Variants in MSR1 observed in about 807,000 individuals in gnomAD.
MSR1 encodes macrophage scavenger receptor types I and II.
A neutral mutation model predicts 47.2 loss-of-function variants in MSR1; 53 were observed. The observed-to-expected ratio is 1.12, with a 90% CI of 0.90 to 1.41. MSR1 has a LOEUF of 1.41. Ranked by LOEUF, MSR1 falls within the 40% of genes most tolerant of loss-of-function variation. MSR1 has a pLI of 0.00. For missense variants in MSR1, 786 were observed against 546.9 expected (o/e 1.44, Z -4.36); for synonymous variants, 239 against 185.6 (o/e 1.29, Z -2.34).
chr8:16,144,223 T>C (rs1355547648), intron 7 of MSR1, among the ~76,000 whole-genome samples: 3 of 152,054 alleles, frequency 2.0e-5, no homozygotes, highest in African/African-American at 7.2e-5. Flanking sequence ...TGCAGAAACA[T>C]TGCTAGATCT....
intron 1 of MSR1, among the ~76,000 whole-genome samples, chr8:16,192,214 A>T (rs775113048): frequency 4.0e-4 from 61 of 152,212 alleles, no homozygotes; most frequent in Admixed American, 7.2e-4. Context: ...ATGTTCCATG[A>T]AAAGTTATGA....
chr8:16,173,529 GACA>G (rs1053779898), intron 3 of MSR1, among the ~76,000 whole-genome samples: 5 of 152,178 alleles, frequency 3.3e-5, no homozygotes, highest in African/African-American at 7.2e-5. Flanking sequence ...CTTTTACTCA[GACA>G]ACAATAGTTT....
intron 1 of MSR1, among the ~76,000 whole-genome samples, chr8:16,188,011 A>T (rs1802052909): frequency 6.6e-6 from 1 of 152,172 alleles, no homozygotes; most frequent in Admixed American, 6.6e-5. Flanking sequence ...GTGCCTTTTA[A>T]TATCAGTTCC....
At chr8:16,159,639 T>C (rs995759119) in intron 5 of MSR1, among the ~76,000 whole-genome samples, 2 of 151,972 alleles carry the variant, frequency 1.3e-5, no homozygotes, top group Non-Finnish European at 2.9e-5. Context: ...TATGGCTAGG[T>C]GCTATAAGAG....
At chr8:16,155,195 G>A (rs1354897058) in intron 5 of MSR1, 51 bp from the exon 6 acceptor site, 1 of 1,389,168 alleles carries the variant, frequency 7.2e-7, no homozygotes, top group Non-Finnish European at 1.0e-6. Context: ...TAGGAAAAAT[G>A]GGTTAGTCAT....
At chr8:16,175,164 T>A in intron 3 of MSR1, 23 bp downstream of exon 3, 1 of 1,599,074 alleles carries the variant, frequency 6.3e-7, no homozygotes, top group Non-Finnish European at 8.6e-7. Context: ...GTTACTAAAT[T>A]TCAAAACTCT....
Position 16,174,779 on chromosome 8 carries a change from CT to C in MSR1, c.217+407del, listed in dbSNP as rs796546457. Among the ~76,000 whole-genome samples the C allele has an allele frequency of 2.5e-4, 38 of 151,118 alleles. No homozygotes were observed. In the East Asian group the frequency reaches 4.3e-3, roughly 17 times the overall value. On this transcript the variant is annotated intron_variant, in intron 3 of 9. Transcript: ENST00000262101. ...AGAAGAGCTTCTCCTGGACAACAGG[CT>C]TTTTTTTTATATTATAGCTATTGTT...
In MSR1 at chr8:16,131,595, C is replaced by T. The variant is rs183886084; in HGVS notation, c.1034-10989G>A. Among the ~76,000 whole-genome samples the T allele has an allele frequency of 1.6e-4, 25 of 151,870 alleles. No homozygotes were observed. In the East Asian group the frequency reaches 4.8e-3, roughly 29 times the overall value. ...GAATGGTATTTCATAGGTTATCTTT[C>T]AGAGTTTTTATAGTTTTAGGCTTTA... On this transcript the variant is annotated intron_variant, in intron 8 of 9. Transcript: ENST00000262101.
At chr8:16,163,963 C>A in intron 5 of MSR1, 102 bp downstream of exon 5, 10 of 938,030 alleles carry the variant, frequency 1.1e-5, no homozygotes, top group Non-Finnish European at 1.5e-5. Flanking sequence ...AGCTCAGAAA[C>A]TATTTATTTC....
chr8:16,148,047 G>T (rs1369206095), intron 7 of MSR1, among the ~76,000 whole-genome samples: 4 of 152,074 alleles, frequency 2.6e-5, no homozygotes, highest in Non-Finnish European at 5.9e-5. Flanking sequence ...AATAGTTTTA[G>T]AAATACAAAC....
At chr8:16,189,529 T>A (rs1235306254) in intron 1 of MSR1, among the ~76,000 whole-genome samples, 1 of 98,496 alleles carries the variant, frequency 1.0e-5, no homozygotes, top group East Asian at 2.8e-4. Flanking sequence ...AAAATCATAT[T>A]TTATATATAT....
chr8:16,178,820 C>G (rs1416630738), intron 1 of MSR1, among the ~76,000 whole-genome samples: 1 of 151,962 alleles, frequency 6.6e-6, no homozygotes, highest in African/African-American at 2.4e-5. Flanking sequence ...GATGGTATCT[C>G]ATTGTGGTTT....
At chr8:16,177,279 AC>A (rs1801677028) in intron 2 of MSR1, among the ~76,000 whole-genome samples, 1 of 152,066 alleles carries the variant, frequency 6.6e-6, no homozygotes, top group Non-Finnish European at 1.5e-5. Context: ...ATTAGGGTGA[AC>A]CCTAATCTAA....
At position 16,168,623 on chromosome 8, in the gene MSR1, A is replaced by G. The variant is rs765280875; in HGVS notation, c.465T>C (p.Ile155=). 1 of 1,614,150 alleles carries G rather than the reference A, an allele frequency of 6.2e-7. No homozygotes were observed. Among genetic ancestry groups the G allele is most frequent in the Non-Finnish European group, 8.5e-7 (1 of 1,180,000 alleles). ...SMTTDQRFND[I]LLQLSTLFSS... ...AAAACAAGGTACTTAGCTGCAGAAG[A>G]ATGTCATTAAATCTTTGATCAGTTG... Residue 155 remains isoleucine (I), a synonymous_variant, in exon 4 of 10, where the codon ATT becomes ATC. Transcript: ENST00000262101.
chr8:16,188,623 C>T (rs936812023), intron 1 of MSR1, among the ~76,000 whole-genome samples: 1 of 152,004 alleles, frequency 6.6e-6, no homozygotes, highest in Admixed American at 6.6e-5. Flanking sequence ...TTAAGTCCCA[C>T]ATGCATTAGG....
intron 8 of MSR1, among the ~76,000 whole-genome samples, chr8:16,122,820 G>T (rs568339455): frequency 2.8e-4 from 43 of 151,520 alleles, no homozygotes; most frequent in African/African-American, 1.0e-3. Flanking sequence ...TCCTGAGGGG[G>T]AGTAGGTACC....
chr8:16,141,645 G>T (rs972124223), intron 8 of MSR1, among the ~76,000 whole-genome samples: 3 of 152,170 alleles, frequency 2.0e-5, no homozygotes, highest in Non-Finnish European at 2.9e-5. Context: ...AGAATGCAGA[G>T]GCTGTATACA....
chr8:16,123,604 G>GTC (rs71719872), intron 8 of MSR1, among the ~76,000 whole-genome samples: 5,348 of 144,392 alleles, frequency 0.037, 182 homozygotes, highest in East Asian at 0.11. Flanking sequence ...GTGTGTGTGT[G>GTC]TCTGGATAGC....
At position 16,168,619 on chromosome 8, in the gene MSR1, G is replaced by T. The variant is rs776649572; in HGVS notation, c.469C>A (p.Leu157Met). The part of the protein sequence containing the change: ...TTDQRFNDIL[L>M]QLSTLFSSVQ... The stretch of plus-strand genomic sequence containing the variant: ...GAGGAAAACAAGGTACTTAGCTGCA[G>T]AAGAATGTCATTAAATCTTTGATCA... The change falls in exon 4 of 10, where the codon CTG becomes ATG. Residue 157 changes from leucine to methionine, a missense_variant. Transcript: ENST00000262101. The T allele has an allele frequency of 6.2e-7, 1 of 1,614,108 alleles. No homozygotes were observed. The highest frequency in any genetic ancestry group is 8.5e-7 in the Non-Finnish European group (1 of 1,180,004).
Sources: gnomAD v4.1 joint callset for allele counts (sites outside exome capture counted in the v4.1 genomes callset) on GRCh38, gnomAD v4.1.1 for gene constraint, MANE v1.5 for transcripts, NCBI Gene and HGNC (gene_info 2026-07-23, HGNC 2026-07-21) for gene names.